The following PTPRH variants were observed in gnomAD, a reference collection of about 807,000 sequenced individuals.
PTPRH encodes protein tyrosine phosphatase receptor type H, also known as receptor-type tyrosine-protein phosphatase H.
PTPRH carries 113 observed loss-of-function variants against 130.2 expected under a neutral mutation model. The observed-to-expected ratio is 0.87, with a 90% CI of 0.75 to 1.01. The LOEUF (loss-of-function observed/expected upper bound fraction) is 1.01. Ranked by LOEUF, PTPRH falls within the 50% of genes least tolerant of loss-of-function variation. The probability of loss-of-function intolerance (pLI) is 0.00; values close to 1 mark genes in which losing one functional copy is unlikely to be tolerated. For missense variants in PTPRH, 1,430 were observed against 1,425.0 expected (o/e 1.00, Z -0.06); for synonymous variants, 556 against 577.9 (o/e 0.96, Z 0.54).
chr19:55,202,683 T>C (rs1488803713), intron 5 of PTPRH, among the ~76,000 whole-genome samples: 2 of 152,110 alleles, frequency 1.3e-5, no homozygotes, highest in East Asian at 1.9e-4. Flanking sequence ...ATTTTGTGGG[T>C]ATATACTCAG....
chr19:55,196,594 C>T lies in PTPRH; in HGVS notation c.2185G>A (p.Ala729Thr), dbSNP rs772122998. 2.5e-6 allele frequency: 4 copies of T among 1,613,760 alleles called. No homozygotes were observed. The Admixed American group carries it at 6.7e-5, about 27-fold the overall frequency. Residue 729 changes from alanine to threonine, a missense_variant, in exon 10 of 20, where the codon GCC becomes ACC. Ala to Thr is a moderately conservative substitution (Grantham distance 58). Coordinates refer to ENST00000376350, the MANE Select transcript of PTPRH (RefSeq NM_002842.5). ...CCGTCCCAGATGGTCGTGATGGTGGCTGGGTAGGACCGAGCCGGCCCGAGA... is the reference window on the plus strand; with the variant it reads ...CCGTCCCAGATGGTCGTGATGGTGGTTGGGTAGGACCGAGCCGGCCCGAGA... ...LGLGPARSYP[A>T]TITTIWDGMK...
intron 6 of PTPRH, 118 bp from the exon 7 acceptor site, chr19:55,200,620 A>T: frequency 1.8e-6 from 2 of 1,132,420 alleles, no homozygotes; most frequent in Non-Finnish European, 2.5e-6. Flanking sequence ...GTGCCAGCAG[A>T]TGCAGGGTGT....
intron 5 of PTPRH, among the ~76,000 whole-genome samples, chr19:55,202,610 C>CACAT: frequency 6.6e-6 from 1 of 151,432 alleles, no homozygotes; most frequent in African/African-American, 2.4e-5. Flanking sequence ...CACACACACA[C>CACAT]ATATATATAC....
At chr19:55,208,636 C>A (rs1600089761) in intron 1 of PTPRH, among the ~76,000 whole-genome samples, 1 of 3,488 alleles carries the variant, frequency 2.9e-4, no homozygotes, top group Non-Finnish European at 4.6e-4. Flanking sequence ...GGAGGAGGGG[C>A]TGGGGTCTGG....
intron 10 of PTPRH, among the ~76,000 whole-genome samples, chr19:55,192,875 T>C (rs2086582933): frequency 6.6e-6 from 1 of 151,804 alleles, no homozygotes; most frequent in African/African-American, 2.4e-5. Flanking sequence ...TTCTACTGTG[T>C]AGGGGACAAT....
chr19:55,186,665 G>A (rs1331037118), intron 14 of PTPRH, 125 bp from the exon 15 acceptor site: 13 of 395,050 alleles, frequency 3.3e-5, no homozygotes, highest in African/African-American at 2.0e-4. Flanking sequence ...AAGTCATGCC[G>A]AGACGCAGGC....
Position 55,202,204 on chromosome 19 carries a change from A to G in PTPRH, c.1005T>C (p.Thr335=). 3 of 1,614,168 alleles carry G rather than the reference A, an allele frequency of 1.9e-6. No individual in the cohort carries two copies. Among genetic ancestry groups the G allele is most frequent in the Non-Finnish European group, 2.5e-6 (3 of 1,180,032 alleles). ...GAGTCCCTGCTCTGCCACCATCTCCAGTGTACTCAACCCCGTAGGTGGAGT... is the reference window on the plus strand; with the variant it reads ...GAGTCCCTGCTCTGCCACCATCTCCGGTGTACTCAACCCCGTAGGTGGAGT... The part of the protein sequence containing the change: ...PQNSTYGVEY[T]GDGGRAGTRS... The change falls in exon 6 of 20, where the codon ACT becomes ACC. Residue 335 remains threonine (T), a synonymous_variant. Coordinates refer to ENST00000376350, the MANE Select transcript of PTPRH (RefSeq NM_002842.5).
chr19:55,182,341 C>A (rs2086201988), intron 18 of PTPRH, among the ~76,000 whole-genome samples, 190 bp from the exon 19 acceptor site: 1 of 152,182 alleles, frequency 6.6e-6, no homozygotes, highest in Non-Finnish European at 1.5e-5. Flanking sequence ...GCCTGGCCAA[C>A]CTGGCAAAAC....
chr19:55,186,278 C>T lies in PTPRH; in HGVS notation c.2725G>A (p.Glu909Lys), dbSNP rs770640664. Residue 909 changes from glutamate (E) to lysine (K), a missense_variant, in exon 16 of 20, where the codon GAA (glutamate) becomes AAA (lysine). Glu to Lys is a moderately conservative substitution (Grantham distance 56). Transcript: ENST00000376350. Reference sequence around the variant, plus strand: ...ATGACCAGGGTGTGGCTCTGCTGTTCCCACACCAGGCGCCAGAAGTCACCC... The same window carrying T: ...ATGACCAGGGTGTGGCTCTGCTGTTTCCACACCAGGCGCCAGAAGTCACCC... ...TVGDFWRLVW[E>K]QQSHTLVMLT... 2.5e-6 allele frequency: 4 copies of T among 1,614,032 alleles called. No homozygotes were observed. In the Admixed American group the frequency reaches 6.7e-5, roughly 27 times the overall value.
At chr19:55,187,626 TA>T (rs2086399759) in intron 13 of PTPRH, 23 bp from the exon 14 acceptor site, 1 of 1,561,612 alleles carries the variant, frequency 6.4e-7, no homozygotes, top group Admixed American at 1.7e-5. Flanking sequence ...GGAGAGGGGG[TA>T]CCTGGTGTTG....
chr19:55,185,463 C>A (rs371074004), intron 18 of PTPRH, 39 bp downstream of exon 18: 3 of 1,604,500 alleles, frequency 1.9e-6, no homozygotes, highest in Non-Finnish European at 2.6e-6. Context: ...CCCAAGGGAG[C>A]GGTTCTCTCA....
chr19:55,201,533 T>G (rs1373127447), intron 6 of PTPRH, among the ~76,000 whole-genome samples: 1 of 152,254 alleles, frequency 6.6e-6, no homozygotes, highest in African/African-American at 2.4e-5. Flanking sequence ...AATGTGAAAC[T>G]GAATTTGCAG....
At chr19:55,191,358 G>C in intron 12 of PTPRH, 143 bp downstream of exon 12, 1 of 941,098 alleles carries the variant, frequency 1.1e-6, no homozygotes, top group Non-Finnish European at 1.7e-6. Context: ...AAGGGCCGTG[G>C]TCCCTGTCGC....
intron 8 of PTPRH, 79 bp downstream of exon 8, chr19:55,198,564 C>G: frequency 1.4e-6 from 2 of 1,428,402 alleles, no homozygotes; most frequent in Non-Finnish European, 1.9e-6. Context: ...CTTCATCTCC[C>G]AAGGAGCTCC....
At chr19:55,187,151 C>T (rs2086366779) in intron 14 of PTPRH, among the ~76,000 whole-genome samples, 1 of 150,898 alleles carries the variant, frequency 6.6e-6, no homozygotes, top group Non-Finnish European at 1.5e-5. Flanking sequence ...CGAGACCATC[C>T]TGGCTAACAC....
intron 16 of PTPRH, 62 bp from the exon 17 acceptor site, chr19:55,186,046 T>C: frequency 1.9e-6 from 3 of 1,610,636 alleles, no homozygotes; most frequent in Non-Finnish European, 2.5e-6. Flanking sequence ...GGGGTCTGCT[T>C]TAGGCCCCAA....
chr19:55,185,703 A>G, intron 17 of PTPRH, 41 bp from the exon 18 acceptor site: 1 of 1,606,064 alleles, frequency 6.2e-7, no homozygotes, highest in Non-Finnish European at 8.5e-7. Context: ...AGATGAATGT[A>G]GGGAGGACCT....
intron 5 of PTPRH, 88 bp downstream of exon 5, chr19:55,203,694 A>G (rs1191918543): frequency 8.9e-6 from 13 of 1,452,918 alleles, no homozygotes; most frequent in Non-Finnish European, 1.2e-5. Context: ...ATTGGACTAA[A>G]GAACCTGTCA....
At chr19:55,203,103 T>C (rs921617959) in intron 5 of PTPRH, among the ~76,000 whole-genome samples, 23 of 148,562 alleles carry the variant, frequency 1.5e-4, no homozygotes, top group Middle Eastern at 3.3e-3. Flanking sequence ...CCAAGGCGGG[T>C]GGATCACAAG....
Sources: allele counts gnomAD v4.1 joint callset (sites outside exome capture counted in the v4.1 genomes callset), GRCh38; gene constraint gnomAD v4.1.1; transcripts MANE v1.5; gene names NCBI Gene and HGNC (gene_info 2026-07-23, HGNC 2026-07-21).